Variants in KCNQ1 observed in about 807,000 individuals in gnomAD.
The protein encoded by KCNQ1 is potassium voltage-gated channel subfamily Q member 1.
In KCNQ1, 49 loss-of-function variants were observed where a neutral mutation model predicts 72.4. The ratio of observed to expected loss-of-function variants is 0.68; its 90% CI spans 0.54 to 0.86. KCNQ1 has a LOEUF of 0.86. KCNQ1 is among the 40% of genes least tolerant of loss of function. The probability of loss-of-function intolerance (pLI) is 0.00; values close to 1 mark genes in which losing one functional copy is unlikely to be tolerated. For synonymous variants in KCNQ1, 450 were observed against 412.6 expected (o/e 1.09, Z -1.10); for missense variants, 790 against 945.1 (o/e 0.84, Z 2.15).
At position 2,541,201 on chromosome 11, in the gene KCNQ1, G is replaced by A. The variant is rs562228270; in HGVS notation, c.477+13183G>A. On this transcript the variant is annotated intron_variant, in intron 2 of 15. Transcript: ENST00000155840. This position sits in a 1 kb window ranked among gnomAD's most constrained non-coding sequence, Gnocchi z 4.8. The stretch of plus-strand genomic sequence containing the variant: ...TTTAATCCAGAAACTGTCAGCATGG[G>A]AAGCCTGGATGAGAACAAAATGTCA... Among the ~76,000 whole-genome samples, 59 of 152,370 alleles carry A rather than the reference G, an allele frequency of 3.9e-4. 1 individual carries two copies. The South Asian group carries it at 4.8e-3, about 12-fold the overall frequency.
chr11:2,591,642 G>A (rs547803656), intron 10 of KCNQ1, among the ~76,000 whole-genome samples: 12 of 152,362 alleles, frequency 7.9e-5, no homozygotes, highest in Middle Eastern at 3.4e-3. Context: ...GGGGCAGCCC[G>A]AATCGATGCC....
intron 10 of KCNQ1, chr11:2,635,983 TTGTC>T (rs1255399657): frequency 6.6e-6 from 1 of 152,182 alleles, no homozygotes; most frequent in Non-Finnish European, 1.5e-5. Context: ...GGCTCTCTGT[TTGTC>T]TGTTATTGGT....
At chr11:2,666,517 C>T (rs566214408) in intron 11 of KCNQ1, 2 of 398,718 alleles carry the variant, frequency 5.0e-6, no homozygotes, top group South Asian at 1.3e-4. Flanking sequence ...CCGCTGTGGC[C>T]TGGCTTTCAT....
chr11:2,747,821 C>T (rs553530279), intron 11 of KCNQ1, among the ~76,000 whole-genome samples: 22 of 152,084 alleles, frequency 1.4e-4, no homozygotes, highest in South Asian at 6.2e-4. Context: ...GGAAGAGGCA[C>T]GCAGGGTGAG....
At chr11:2,833,384 T>A (rs998073611) in intron 15 of KCNQ1, among the ~76,000 whole-genome samples, 1 of 151,778 alleles carries the variant, frequency 6.6e-6, no homozygotes, top group African/African-American at 2.4e-5. Flanking sequence ...GCTTCTCCCC[T>A]CATAGGATCC....
At chr11:2,675,336 A>AT in intron 11 of KCNQ1, 2 of 398,620 alleles carry the variant, frequency 5.0e-6, no homozygotes, top group Non-Finnish European at 8.8e-6. Context: ...TCTAAGTCAT[A>AT]TTTTTTTAAT....
At position 2,772,448 on chromosome 11, in the gene KCNQ1, A is replaced by G. The variant is rs1166729158; in HGVS notation, c.1591-3512A>G. 6.6e-6 allele frequency among the ~76,000 whole-genome samples: 1 copy of G among 152,080 alleles called. No homozygotes were observed. Among genetic ancestry groups the G allele is most frequent in the Non-Finnish European group, 1.5e-5 (1 of 68,022 alleles). On this transcript the variant is annotated intron_variant, in intron 12 of 15. Coordinates refer to ENST00000155840, the MANE Select transcript of KCNQ1 (RefSeq NM_000218.3). This position sits in a 1 kb window ranked among gnomAD's most constrained non-coding sequence, Gnocchi z 6.6. The stretch of plus-strand genomic sequence containing the variant: ...CGGCTCATCTCAGGCTCCTGAAGTC[A>G]GGATGATCTTTCCAGCCCAACCCCA...
Position 2,588,923 on chromosome 11 carries a change from C to A in KCNQ1, c.1393+69C>A, listed in dbSNP as rs1589969647. The stretch of plus-strand genomic sequence containing the variant: ...TCACTGCCTTTTTTGGGAGCCCGAG[C>A]AAGCCAGTGAGTTTCTCCCTTGGGC... On this transcript the variant is annotated intron_variant, in intron 10 of 15. Coordinates refer to ENST00000155840, the MANE Select transcript of KCNQ1 (RefSeq NM_000218.3). The surrounding 1 kb of genome is among the most constrained non-coding windows in gnomAD (Gnocchi z 5.6). The A allele has an allele frequency of 3.2e-6, 5 of 1,557,610 alleles. No individual in the cohort carries two copies. The highest frequency in any genetic ancestry group is 4.6e-5 in the East Asian group (2 of 43,616).
At chr11:2,831,155 A>T (rs551977614) in intron 15 of KCNQ1, among the ~76,000 whole-genome samples, 1 of 152,276 alleles carries the variant, frequency 6.6e-6, no homozygotes, top group African/African-American at 2.4e-5. Context: ...GATCAATGGG[A>T]TGTTCTCAGA....
intron 2 of KCNQ1, among the ~76,000 whole-genome samples, chr11:2,533,760 G>T (rs1410170331): frequency 6.6e-6 from 1 of 152,224 alleles, no homozygotes; most frequent in Non-Finnish European, 1.5e-5. Flanking sequence ...TGCAGTAAGA[G>T]ACCCTGCCCT....
In KCNQ1 at chr11:2,661,726, C is replaced by G. The variant is rs1849959438; in HGVS notation, c.1394-235C>G. ...CACAGCCCCAGGCACAGTTACCACTCCGAAGATGATTCACTGGCCTTTATT... is the reference window on the plus strand; with the variant it reads ...CACAGCCCCAGGCACAGTTACCACTGCGAAGATGATTCACTGGCCTTTATT... On this transcript the variant is annotated intron_variant, in intron 10 of 15. Transcript: ENST00000155840. The surrounding 1 kb of genome is among the most constrained non-coding windows in gnomAD (Gnocchi z 5.9). 4.9e-6 allele frequency: 3 copies of G among 617,198 alleles called. No homozygotes were observed. The highest frequency in any genetic ancestry group is 8.7e-6 in the Non-Finnish European group (3 of 344,370). 38.2% of individuals were successfully genotyped at this position (617,198 alleles called of 1,614,324 possible). A position where few individuals can be genotyped will look rare whatever the true frequency, so the allele number is the denominator to read the frequency against.
At chr11:2,846,618 C>T (rs1318321238) in intron 15 of KCNQ1, among the ~76,000 whole-genome samples, 1 of 152,220 alleles carries the variant, frequency 6.6e-6, no homozygotes, top group Admixed American at 6.5e-5. Context: ...CTGGGGTTGG[C>T]CCTGCTCCAC....
chr11:2,817,675 G>A lies in KCNQ1; in HGVS notation c.1795-30092G>A, dbSNP rs1847645253. Among the ~76,000 whole-genome samples the A allele has an allele frequency of 6.6e-6, 1 of 152,286 alleles. No individual in the cohort carries two copies. Among genetic ancestry groups the A allele is most frequent in the Non-Finnish European group, 1.5e-5 (1 of 68,014 alleles). On this transcript the variant is annotated intron_variant, in intron 15 of 15. Transcript: ENST00000155840. The surrounding 1 kb of genome is among the most constrained non-coding windows in gnomAD (Gnocchi z 6.1). ...GAGAGCTACCCCGGGTCTGGGGACT[G>A]TTAGCACAGACCTGAGCCGAGGCCC... is the stretch of plus-strand genomic sequence containing the variant.
At position 2,677,873 on chromosome 11, in the gene KCNQ1, T is replaced by C; in HGVS notation, c.1514+15792T>C. The C allele has an allele frequency of 2.5e-6, 1 of 398,540 alleles. No homozygotes were observed. The highest frequency in any genetic ancestry group is 4.4e-6 in the Non-Finnish European group (1 of 226,030). The allele number at this position is 398,540 out of a possible 1,614,324, so 24.7% of individuals were successfully genotyped here. On this transcript the variant is annotated intron_variant, in intron 11 of 15. Transcript: ENST00000155840. This position sits in a 1 kb window ranked among gnomAD's most constrained non-coding sequence, Gnocchi z 4.5. Reference sequence around the variant, plus strand: ...ATTTACATCACTTTGACTGCACAAATGCACTTTCTTCCCCCACCCTTACCA... The same window carrying C: ...ATTTACATCACTTTGACTGCACAAACGCACTTTCTTCCCCCACCCTTACCA...
Position 2,782,776 on chromosome 11 carries a change from T to C in KCNQ1, c.1794+4739T>C, listed in dbSNP as rs896792393. On this transcript the variant is annotated intron_variant, in intron 15 of 15. Transcript: ENST00000155840. The surrounding 1 kb of genome is among the most constrained non-coding windows in gnomAD (Gnocchi z 6.1). ...GTCCATTAGCATTTAGTCCCATTTTTTATTCTCAATATTATTTATTTGTGC... is the reference window on the plus strand; with the variant it reads ...GTCCATTAGCATTTAGTCCCATTTTCTATTCTCAATATTATTTATTTGTGC... Among the ~76,000 whole-genome samples, 9 of 152,246 alleles carry C rather than the reference T, an allele frequency of 5.9e-5. No individual in the cohort carries two copies. The highest frequency in any genetic ancestry group is 1.9e-4 in the African/African-American group (8 of 41,470).
At chr11:2,453,304 T>C (rs1454991539) in intron 1 of KCNQ1, among the ~76,000 whole-genome samples, 1 of 149,732 alleles carries the variant, frequency 6.7e-6, no homozygotes, top group Non-Finnish European at 1.5e-5. Flanking sequence ...ACCCGGGAGG[T>C]GGAGGTTGCA....
intron 1 of KCNQ1, among the ~76,000 whole-genome samples, chr11:2,460,483 TCCTC>T (rs527636669): frequency 8.6e-5 from 13 of 150,486 alleles, no homozygotes; most frequent in Non-Finnish European, 1.3e-4. Flanking sequence ...TCCACAGGCC[TCCTC>T]CCTCCCTCCC....
intron 1 of KCNQ1, among the ~76,000 whole-genome samples, chr11:2,453,230 G>A (rs564333203): frequency 2.4e-4 from 37 of 152,260 alleles, no homozygotes; most frequent in South Asian, 6.2e-4. Flanking sequence ...AGAATTAGCC[G>A]GGCGTGGTGG....
rs1845698128 is a variant in KCNQ1, at chr11:2,723,027, C to T, written c.1515-45817C>T. Among the ~76,000 whole-genome samples the T allele has an allele frequency of 6.6e-6, 1 of 152,222 alleles. No individual in the cohort carries two copies. The highest frequency in any genetic ancestry group is 2.4e-5 in the African/African-American group (1 of 41,452). On this transcript the variant is annotated intron_variant, in intron 11 of 15. Coordinates refer to ENST00000155840, the MANE Select transcript of KCNQ1 (RefSeq NM_000218.3). This position sits in a 1 kb window ranked among gnomAD's most constrained non-coding sequence, Gnocchi z 4.2. ...TCACACCCTTGTGGGCCAGCTGCGG[C>T]CCAAAAGCCTCCTGGCCTCCATTCC... is the stretch of plus-strand genomic sequence containing the variant.
Sources: allele counts gnomAD v4.1 joint callset (sites outside exome capture counted in the v4.1 genomes callset), GRCh38; gene constraint gnomAD v4.1.1; non-coding constraint Gnocchi (gnomAD v3.1); transcripts MANE v1.5; gene names NCBI Gene and HGNC (gene_info 2026-07-23, HGNC 2026-07-21).